Variants in TTYH3 observed in about 807,000 individuals in gnomAD.
The protein encoded by TTYH3 is tweety family member 3, also known as protein tweety homolog 3.
In TTYH3, 23 loss-of-function variants were observed where a neutral mutation model predicts 68.2. The observed-to-expected ratio is 0.34, with a 90% confidence interval of 0.24 to 0.48. The LOEUF is 0.48. Among genes scored for constraint, TTYH3 ranks in the 20% least tolerant of loss-of-function variants. TTYH3 has a pLI of 0.99. For synonymous variants in TTYH3, 360 were observed against 332.8 expected (o/e 1.08, Z -0.89); for missense variants, 768 against 727.7 (o/e 1.06, Z -0.64).
At position 2,663,159 on chromosome 7, in the gene TTYH3, C is replaced by G. The variant is rs1786537140; in HGVS notation, c.*1420C>G. 1 of 152,442 alleles carries G rather than the reference C, an allele frequency of 6.6e-6. No homozygotes were observed. The allele number at this position is 152,442 out of a possible 1,614,324, so 9.4% of individuals were successfully genotyped here. A position where few individuals can be genotyped will look rare whatever the true frequency, so the allele number is the denominator to read the frequency against. On this transcript the variant is annotated 3_prime_UTR_variant, in exon 14 of 14. Transcript: ENST00000258796. The stretch of plus-strand genomic sequence containing the variant: ...CGGCCCTGGCCCAGCCAGCCCAGCC[C>G]TCGAGGCTCGATGCCTGTGCCAAGG...
Position 2,658,473 on chromosome 7 carries a change from G to T in TTYH3, c.1424+14G>T, listed in dbSNP as rs766869400. The stretch of plus-strand genomic sequence containing the variant: ...CACTGAGTACATGTGAGTTGACGTG[G>T]GCCTAGTGGGGCCAGCGGACACGTC... On this transcript the variant is annotated intron_variant, in intron 12 of 13. Coordinates refer to ENST00000258796, the MANE Select transcript of TTYH3 (RefSeq NM_025250.3). The T allele has an allele frequency of 2.1e-5, 34 of 1,595,856 alleles. No individual in the cohort carries two copies. Among genetic ancestry groups the T allele is most frequent in the Middle Eastern group, 3.4e-4 (2 of 5,942 alleles).
At chr7:2,641,330 G>T (rs1251850839) in intron 1 of TTYH3, among the ~76,000 whole-genome samples, 1 of 152,052 alleles carries the variant, frequency 6.6e-6, no homozygotes, top group Non-Finnish European at 1.5e-5. Context: ...GGGAGTCTGG[G>T]CTCACGGTGG....
In TTYH3 at chr7:2,649,599, T is replaced by C; in HGVS notation, c.755T>C (p.Ile252Thr). Residue 252 changes from isoleucine to threonine, a missense_variant, in exon 6 of 14, where the codon ATC becomes ACC. Ile to Thr is a moderately conservative substitution (Grantham distance 89). Transcript: ENST00000258796. The stretch of plus-strand genomic sequence containing the variant: ...CTGCTGGGAGTCCTGGCCCTGGTCA[T>C]CAGCTGGGGCGCGCTGGGCTTGGAG... ...VCLLGVLALV[I>T]SWGALGLELA... The C allele has an allele frequency of 6.3e-7, 1 of 1,598,012 alleles. No individual in the cohort carries two copies.
At chr7:2,647,335 G>A in intron 3 of TTYH3, 82 bp downstream of exon 3, 2 of 1,509,488 alleles carry the variant, frequency 1.3e-6, no homozygotes. Context: ...CGGGGCAGCC[G>A]GGACTGGGGC....
At chr7:2,652,782 G>T in intron 8 of TTYH3, 136 bp from the exon 9 acceptor site, 1 of 691,138 alleles carries the variant, frequency 1.4e-6, no homozygotes, top group Non-Finnish European at 2.5e-6. Flanking sequence ...GGAGTGCCCT[G>T]TTGGCCTGCA....
At chr7:2,632,333 C>T in intron 1 of TTYH3, 55 bp downstream of exon 1, 3 of 1,476,856 alleles carry the variant, frequency 2.0e-6, no homozygotes, top group East Asian at 2.6e-5. Flanking sequence ...ACGGCCCCCT[C>T]CTCTCCCAGG....
intron 11 of TTYH3, 21 bp downstream of exon 11, chr7:2,656,555 G>A (rs1488121461): frequency 1.0e-5 from 16 of 1,591,892 alleles, no homozygotes; most frequent in African/African-American, 4.1e-5. Flanking sequence ...CTGGGGGGTC[G>A]CAGGAGCTTG....
chr7:2,652,884 A>C lies in TTYH3; in HGVS notation c.928-34A>C, dbSNP rs367888540. On this transcript the variant is annotated intron_variant, in intron 8 of 13. Coordinates refer to ENST00000258796, the MANE Select transcript of TTYH3 (RefSeq NM_025250.3). Reference sequence around the variant, plus strand: ...GGAGGGAGAGGCGGGCGGACCCAGCAGCGCCCATGGACTTGGTCTCCTCTC... The same window carrying C: ...GGAGGGAGAGGCGGGCGGACCCAGCCGCGCCCATGGACTTGGTCTCCTCTC... The C allele has an allele frequency of 7.4e-5, 112 of 1,514,300 alleles. No individual in the cohort carries two copies. The African/African-American group carries it at 1.4e-3, about 19-fold the overall frequency. The allele number at this position is 1,514,300 out of a possible 1,614,324, so 93.8% of individuals were successfully genotyped here. A position where few individuals can be genotyped will look rare whatever the true frequency, so the allele number is the denominator to read the frequency against.
chr7:2,639,317 C>T lies in TTYH3; in HGVS notation c.123+7039C>T, dbSNP rs557592262. Among the ~76,000 whole-genome samples, 13 of 152,318 alleles carry T rather than the reference C, an allele frequency of 8.5e-5. 1 individual carries two copies. The highest frequency in any genetic ancestry group is 1.7e-4 in the African/African-American group (7 of 41,570). On this transcript the variant is annotated intron_variant, in intron 1 of 13. Coordinates refer to ENST00000258796, the MANE Select transcript of TTYH3 (RefSeq NM_025250.3). Reference sequence around the variant, plus strand: ...CAGTGTATCTTCGGCATGCAGGAGACGTTTGCCGCCTGGACCCTGTGCCAG... The same window carrying T: ...CAGTGTATCTTCGGCATGCAGGAGATGTTTGCCGCCTGGACCCTGTGCCAG...
intron 7 of TTYH3, among the ~76,000 whole-genome samples, chr7:2,651,912 G>GC (rs1359084572): frequency 1.3e-5 from 2 of 152,158 alleles, no homozygotes; most frequent in Admixed American, 6.5e-5. Context: ...AGACACACAT[G>GC]CGAAGACATG....
At chr7:2,634,450 G>C (rs1342820811) in intron 1 of TTYH3, among the ~76,000 whole-genome samples, 1 of 152,096 alleles carries the variant, frequency 6.6e-6, no homozygotes, top group African/African-American at 2.4e-5. Context: ...GTAGTGGGGG[G>C]TGGACCCCTC....
chr7:2,660,122 C>T (rs917368859), intron 13 of TTYH3: 41 of 1,232,338 alleles, frequency 3.3e-5, no homozygotes, highest in South Asian at 5.7e-5. Flanking sequence ...GCCGCCCTCC[C>T]GTCGGCACTG....
intron 9 of TTYH3, among the ~76,000 whole-genome samples, chr7:2,655,865 C>T (rs1786318528): frequency 6.6e-6 from 1 of 152,210 alleles, no homozygotes; most frequent in South Asian, 2.1e-4. Flanking sequence ...TCTGGGTCCT[C>T]ATGTCCTTGG....
intron 8 of TTYH3, 103 bp from the exon 9 acceptor site, chr7:2,652,815 C>T (rs1786221955): frequency 1.1e-6 from 1 of 910,588 alleles, no homozygotes; most frequent in Admixed American, 2.2e-5. Flanking sequence ...GATGGTCTCC[C>T]AGGCTGGACG....
chr7:2,658,874 C>G, intron 12 of TTYH3, 66 bp from the exon 13 acceptor site: 1 of 1,528,886 alleles, frequency 6.5e-7, no homozygotes, highest in Non-Finnish European at 9.0e-7. Flanking sequence ...CCCATGGGCC[C>G]CCCGACCTGC....
rs765566507 is a variant in TTYH3, at chr7:2,632,489, C to T, written c.123+211C>T. ...ACCCTTTCTTCCAGGGTCATGGCCT[C>T]CTCCTCAAAGGTCTAAATACCCTCC... On this transcript the variant is annotated intron_variant, in intron 1 of 13. Coordinates refer to ENST00000258796, the MANE Select transcript of TTYH3 (RefSeq NM_025250.3). Among the ~76,000 whole-genome samples the T allele has an allele frequency of 2.0e-5, 3 of 152,190 alleles. No homozygotes were observed. In the East Asian group the frequency reaches 5.8e-4, roughly 29 times the overall value.
chr7:2,660,625 G>T, intron 13 of TTYH3: 1 of 899,248 alleles, frequency 1.1e-6, no homozygotes, highest in Non-Finnish European at 1.3e-6. Flanking sequence ...GCTCCGGGCC[G>T]TGGCTCCTCC....
rs200607825 is a variant in TTYH3 at position 2,632,228 on chromosome 7, T to G, written c.73T>G (p.Trp25Gly). The change falls in exon 1 of 14, where the codon TGG (tryptophan) becomes GGG (glycine). Residue 25 changes from tryptophan to glycine, a missense_variant. Coordinates refer to ENST00000258796, the MANE Select transcript of TTYH3 (RefSeq NM_025250.3). ...LHRLPHFDLS[W>G]EATSSQFRPE... ...CCGGCTGCCCCACTTCGACCTGAGC[T>G]GGGAGGCCACTAGCAGCCAGTTCCG... The G allele has an allele frequency of 0.013, 20,425 of 1,584,696 alleles. 194 individuals are homozygous for G. Among genetic ancestry groups the G allele is most frequent in the Non-Finnish European group, 0.015 (17,063 of 1,165,114 alleles).
At chr7:2,641,986 G>T (rs1034187256) in intron 1 of TTYH3, among the ~76,000 whole-genome samples, 1 of 152,272 alleles carries the variant, frequency 6.6e-6, no homozygotes, top group African/African-American at 2.4e-5. Flanking sequence ...TCCTTCCTCA[G>T]TTGGGGGAAG....
Sources: allele counts gnomAD v4.1 joint callset (sites outside exome capture counted in the v4.1 genomes callset), GRCh38; gene constraint gnomAD v4.1.1; transcripts MANE v1.5; gene names NCBI Gene and HGNC (gene_info 2026-07-23, HGNC 2026-07-21).